EPN1: variants seen among roughly 807,000 people sequenced by gnomAD.
EPN1 encodes the protein epsin 1, also known as epsin-1.
A neutral mutation model predicts 56.9 loss-of-function variants in EPN1; 25 were observed. The ratio of observed to expected loss-of-function variants is 0.44; its 90% CI spans 0.32 to 0.61. The LOEUF (loss-of-function observed/expected upper bound fraction) is 0.61, where lower values mean the gene tolerates loss of function less well. EPN1 is among the 20% of genes least tolerant of loss of function. The pLI, the probability that EPN1 is intolerant of heterozygous loss-of-function variation, is 0.05. For synonymous variants in EPN1, 411 were observed against 361.8 expected (o/e 1.14, Z -1.54); for missense variants, 785 against 823.7 (o/e 0.95, Z 0.58).
intron 2 of EPN1, among the ~76,000 whole-genome samples, chr19:55,683,874 T>C (rs77802081): frequency 0.12 from 19,005 of 152,252 alleles, 1,771 homozygotes; most frequent in East Asian, 0.29. Flanking sequence ...ACATGGTGTC[T>C]GTTGGTCCCA....
Position 55,701,908 on chromosome 19 carries a change from C to T in EPN1, c.*6552C>T, listed in dbSNP as rs1318454189. ...CTAGGGCCTGAAGAACCAGTTAGGA[C>T]CAGGTGTGCTGTCTGCATCGAGCAG... is the stretch of plus-strand genomic sequence containing the variant. On this transcript the variant is annotated 3_prime_UTR_variant, in exon 11 of 11. Coordinates refer to ENST00000270460, the MANE Select transcript of EPN1 (RefSeq NM_001130072.2). The T allele has an allele frequency of 6.6e-6, 1 of 151,332 alleles. No homozygotes were observed. Among genetic ancestry groups the T allele is most frequent in the African/African-American group, 2.4e-5 (1 of 41,056 alleles). 9.4% of individuals were successfully genotyped at this position (151,332 alleles called of 1,614,324 possible).
chr19:55,690,825 G>A (rs1425479822), intron 6 of EPN1, among the ~76,000 whole-genome samples: 1 of 152,200 alleles, frequency 6.6e-6, no homozygotes, highest in Non-Finnish European at 1.5e-5. Flanking sequence ...GGCACAGTGG[G>A]ACTTTCTTGG....
rs764100545 is a variant in EPN1 at position 55,692,953 on chromosome 19, G to A, written c.1180G>A (p.Ala394Thr). The A allele has an allele frequency of 1.6e-5, 26 of 1,613,374 alleles. No individual in the cohort carries two copies. The South Asian group carries it at 2.6e-4, about 16-fold the overall frequency. The part of the protein sequence containing the change: ...AKPSTNGTTA[A>T]GGFDTEPDEF... ...AGCAGAACATCCTGACCCCACAGCA[G>A]CCGGGGGATTCGACACGGAGCCCGA... is the stretch of plus-strand genomic sequence containing the variant. Residue 394 changes from alanine (A) to threonine (T), a missense_variant and splice_region_variant, in exon 9 of 11, where the codon GCC (alanine) becomes ACC (threonine). Around this residue, in one of 2 missense-constraint regions of EPN1, gnomAD observed 650 missense variants for 605.0 expected, o/e 1.07. Coordinates refer to ENST00000270460, the MANE Select transcript of EPN1 (RefSeq NM_001130072.2).
chr19:55,684,480 C>T (rs1376250064), intron 2 of EPN1, among the ~76,000 whole-genome samples: 1 of 152,170 alleles, frequency 6.6e-6, no homozygotes, highest in African/African-American at 2.4e-5. Flanking sequence ...CTATTAATTT[C>T]AACTTGTTGA....
At chr19:55,677,141 T>G in intron 1 of EPN1, 1 of 1,550,994 alleles carries the variant, frequency 6.4e-7, no homozygotes, top group Non-Finnish European at 8.7e-7. Flanking sequence ...GCTTTGAAAA[T>G]CTCCCTCTGT....
intron 1 of EPN1, among the ~76,000 whole-genome samples, chr19:55,675,864 G>C (rs550879699): frequency 1.3e-4 from 19 of 151,854 alleles, no homozygotes; most frequent in Non-Finnish European, 2.4e-4. Context: ...TCTTACCCCC[G>C]CCCCGTCTTC....
Position 55,695,311 on chromosome 19 carries a change from GC to G in EPN1, c.1691del (p.Pro564ArgfsTer37). 1 of 1,544,994 alleles carries G rather than the reference GC, an allele frequency of 6.5e-7. No individual in the cohort carries two copies. The part of the protein sequence containing the change: ...GGGPGLPPMM[P>X]PGPPAPNTNP... ...GGGGCCCTGGCCTGCCCCCCATGAT[GC>G]CCCCGGGCCCCCCGGCCCCCAACAC... is the stretch of plus-strand genomic sequence containing the variant. On this transcript the variant is annotated frameshift_variant, in exon 11 of 11. Transcript: ENST00000270460. LOFTEE classifies it high-confidence loss of function. This position sits in a 1 kb window ranked among gnomAD's most constrained non-coding sequence, Gnocchi z 4.4.
chr19:55,682,488 G>A (rs955405766), intron 2 of EPN1, among the ~76,000 whole-genome samples: 4 of 151,772 alleles, frequency 2.6e-5, no homozygotes, highest in East Asian at 1.9e-4. Flanking sequence ...ACATGTTCTC[G>A]GCTCACTGTA....
chr19:55,699,162 C>T lies in EPN1; in HGVS notation c.*3806C>T, dbSNP rs1342398362. ...CATGTTGGTGTGCTGCACGCATTAACTCGTCATTTACATTAGGTATATCTC... is the reference window on the plus strand; with the variant it reads ...CATGTTGGTGTGCTGCACGCATTAATTCGTCATTTACATTAGGTATATCTC... On this transcript the variant is annotated 3_prime_UTR_variant, in exon 11 of 11. Coordinates refer to ENST00000270460, the MANE Select transcript of EPN1 (RefSeq NM_001130072.2). 1 of 152,164 alleles carries T rather than the reference C, an allele frequency of 6.6e-6. No individual in the cohort carries two copies. The highest frequency in any genetic ancestry group is 1.5e-5 in the Non-Finnish European group (1 of 68,044). The allele number at this position is 152,164 out of a possible 1,614,324, so 9.4% of individuals were successfully genotyped here.
chr19:55,676,376 T>G (rs1568561497), intron 1 of EPN1, among the ~76,000 whole-genome samples: 1 of 152,234 alleles, frequency 6.6e-6, no homozygotes, highest in Non-Finnish European at 1.5e-5. Flanking sequence ...TGAAATACAG[T>G]CTCATTCTAA....
chr19:55,692,535 T>G (rs1320556633), intron 7 of EPN1, 151 bp from the exon 8 acceptor site: 5 of 482,056 alleles, frequency 1.0e-5, no homozygotes, highest in African/African-American at 2.5e-5. Flanking sequence ...AGTTGGAATT[T>G]GAGTGTGTGT....
rs940941607 is a variant in EPN1 at position 55,700,809 on chromosome 19, C to T, written c.*5453C>T. ...CATGCATTGATGGGGGTAACCCCTA[C>T]AGCAGTTAACCCTGCGTGCTCAGAG... On this transcript the variant is annotated 3_prime_UTR_variant, in exon 11 of 11. Coordinates refer to ENST00000270460, the MANE Select transcript of EPN1 (RefSeq NM_001130072.2). 2 of 152,312 alleles carry T rather than the reference C, an allele frequency of 1.3e-5. No individual in the cohort carries two copies. Among genetic ancestry groups the T allele is most frequent in the Admixed American group, 6.5e-5 (1 of 15,290 alleles). The allele number at this position is 152,312 out of a possible 1,614,324, so 9.4% of individuals were successfully genotyped here.
rs550995041 is a variant in EPN1, at chr19:55,708,660, G to A, written c.*13304G>A. 2.8e-5 allele frequency: 9 copies of A among 325,594 alleles called. No homozygotes were observed. The highest frequency in any genetic ancestry group is 2.0e-4 in the East Asian group (4 of 20,336). The allele number at this position is 325,594 out of a possible 1,614,324, so 20.2% of individuals were successfully genotyped here. On this transcript the variant is annotated 3_prime_UTR_variant, in exon 11 of 11. Coordinates refer to ENST00000270460, the MANE Select transcript of EPN1 (RefSeq NM_001130072.2). Reference sequence around the variant, plus strand: ...CCAGAGCGTTTAGCACTTGTTTAACGTACTTGTGCTTCTAAATATCACAAG... The same window carrying A: ...CCAGAGCGTTTAGCACTTGTTTAACATACTTGTGCTTCTAAATATCACAAG...
intron 2 of EPN1, 91 bp from the exon 3 acceptor site, chr19:55,685,305 C>T (rs1986090539): frequency 6.0e-6 from 9 of 1,502,014 alleles, no homozygotes; most frequent in Non-Finnish European, 7.1e-6. Context: ...GCCTTGCGCC[C>T]AGTCGGCCGC....
At chr19:55,675,520 C>G (rs1375587641) in intron 1 of EPN1, 85 bp downstream of exon 1, 1 of 152,466 alleles carries the variant, frequency 6.6e-6, no homozygotes, top group Non-Finnish European at 1.5e-5. Flanking sequence ...GGGCTCGCGT[C>G]TGGCCAGTTC....
Position 55,694,709 on chromosome 19 carries a change from C to G in EPN1, c.1265-17C>G. ...TGCTGTCTGCCCTGTCTGAGCCCCT[C>G]TCCCGGATCCTTCCAGGAGAGCTGG... On this transcript the variant is annotated splice_polypyrimidine_tract_variant and intron_variant, in intron 9 of 10. Transcript: ENST00000270460. The surrounding 1 kb of genome is among the most constrained non-coding windows in gnomAD (Gnocchi z 4.2). 6.5e-7 allele frequency: 1 copy of G among 1,546,866 alleles called. No homozygotes were observed. The highest frequency in any genetic ancestry group is 8.7e-7 in the Non-Finnish European group (1 of 1,145,760).
chr19:55,684,273 T>C (rs1986019838), intron 2 of EPN1, among the ~76,000 whole-genome samples: 1 of 152,148 alleles, frequency 6.6e-6, no homozygotes, highest in African/African-American at 2.4e-5. Context: ...AGCTGACTCT[T>C]CCCCTAGGAG....
intron 6 of EPN1, among the ~76,000 whole-genome samples, chr19:55,690,581 T>G (rs1305633027): frequency 6.6e-6 from 1 of 152,144 alleles, no homozygotes; most frequent in East Asian, 1.9e-4. Flanking sequence ...CCCTCCAGCC[T>G]CCTCCCCTGG....
intron 2 of EPN1, among the ~76,000 whole-genome samples, chr19:55,684,246 C>T (rs550437619): frequency 7.9e-5 from 12 of 152,260 alleles, no homozygotes; most frequent in South Asian, 2.1e-4. Context: ...TTGGTTCAGA[C>T]GGAGCTTAGC....
Sources: allele counts gnomAD v4.1 joint callset (sites outside exome capture counted in the v4.1 genomes callset), GRCh38; gene constraint gnomAD v4.1.1; regional missense constraint gnomAD v4.1.1; non-coding constraint Gnocchi (gnomAD v3.1); transcripts MANE v1.5; gene names NCBI Gene and HGNC (gene_info 2026-07-23, HGNC 2026-07-21).